CAPS2: variants seen among roughly 807,000 people sequenced by gnomAD.
The protein encoded by CAPS2 is calcyphosin-2.
CAPS2 carries 98 observed loss-of-function variants against 86.5 expected under a neutral mutation model. The ratio of observed to expected loss-of-function variants is 1.13; its 90% CI spans 0.96 to 1.34. The LOEUF is 1.34. Among genes scored for constraint, CAPS2 ranks in the 40% most tolerant of loss-of-function variants. CAPS2 has a pLI of 0.00. For synonymous variants in CAPS2, 210 were observed against 225.1 expected, an observed-to-expected ratio of 0.93 and a Z score of 0.60; for missense variants, 729 against 686.8, an observed-to-expected ratio of 1.06 and a Z score of -0.69.
At chr12:75,309,961 C>A (rs1219622570) in intron 7 of CAPS2, among the ~76,000 whole-genome samples, 2 of 152,120 alleles carry the variant, frequency 1.3e-5, no homozygotes, top group African/African-American at 2.4e-5. Context: ...AAATATGAAA[C>A]CTCAAACAGC....
At chr12:75,350,931 G>A (rs10879902) in intron 1 of CAPS2, among the ~76,000 whole-genome samples, 69,723 of 151,894 alleles carry the variant, frequency 0.46, 16,059 homozygotes, top group East Asian at 0.5. Context: ...AACACATTGC[G>A]AAGAAGCTAA....
intron 15 of CAPS2, among the ~76,000 whole-genome samples, chr12:75,283,228 T>A (rs866359672): frequency 6.6e-6 from 1 of 152,182 alleles, no homozygotes. Context: ...AATATTTCAC[T>A]GGGAAGAGTA....
intron 1 of CAPS2, chr12:75,370,105 A>T: frequency 6.2e-7 from 1 of 1,606,712 alleles, no homozygotes; most frequent in Non-Finnish European, 8.5e-7. Context: ...TCTGAAGCCA[A>T]CGGGGAGAGC....
intron 7 of CAPS2, chr12:75,306,309 C>A: frequency 1.8e-6 from 1 of 568,464 alleles, no homozygotes. Context: ...CAGAGCTCTG[C>A]GGGAGGCTAA....
intron 7 of CAPS2, among the ~76,000 whole-genome samples, chr12:75,310,326 TAAGGC>T (rs564001687): frequency 4.4e-4 from 67 of 152,342 alleles, no homozygotes; most frequent in African/African-American, 1.6e-3. Flanking sequence ...TTATTTATGG[TAAGGC>T]CAAAGTAGGC....
At chr12:75,276,143 C>T, downstream of CAPS2, 1 of 1,481,074 alleles carries the variant, frequency 6.8e-7, no homozygotes, top group Non-Finnish European at 9.0e-7. Flanking sequence ...TGTCTTTGCT[C>T]TTCTCTTGCT....
intron 7 of CAPS2, chr12:75,306,224 G>A: frequency 3.0e-6 from 2 of 669,238 alleles, no homozygotes; most frequent in Non-Finnish European, 5.3e-6. Context: ...GGCCAGCCGC[G>A]AAATTACGAA....
At chr12:75,350,405 C>A (rs2042727703) in intron 1 of CAPS2, among the ~76,000 whole-genome samples, 1 of 152,126 alleles carries the variant, frequency 6.6e-6, no homozygotes, top group African/African-American at 2.4e-5. Context: ...GTGAGATCTC[C>A]CAACAGGGGT....
At chr12:75,338,714 G>A (rs892447926) in intron 1 of CAPS2, among the ~76,000 whole-genome samples, 3 of 152,040 alleles carry the variant, frequency 2.0e-5, no homozygotes, top group Non-Finnish European at 2.9e-5. Context: ...ATTAAGCCCA[G>A]CATCTATTAG....
At chr12:75,388,338 T>C (rs2045397468) in intron 1 of CAPS2, among the ~76,000 whole-genome samples, 1 of 152,192 alleles carries the variant, frequency 6.6e-6, no homozygotes, top group Admixed American at 6.5e-5. Context: ...GGTCTGTCTT[T>C]ATTAGTGGCA....
chr12:75,302,269 C>T (rs1184620572), intron 8 of CAPS2, among the ~76,000 whole-genome samples: 2 of 152,164 alleles, frequency 1.3e-5, no homozygotes, highest in Non-Finnish European at 2.9e-5. Context: ...TAGCTTTAAA[C>T]AAGCTGTAGG....
intron 1 of CAPS2, among the ~76,000 whole-genome samples, chr12:75,344,577 C>T (rs2042326001): frequency 6.6e-6 from 1 of 151,996 alleles, no homozygotes; most frequent in African/African-American, 2.4e-5. Context: ...CCTGCTAGCT[C>T]TAGTATCTAT....
chr12:75,343,880 C>T (rs1288478569), intron 1 of CAPS2: 1 of 1,611,688 alleles, frequency 6.2e-7, no homozygotes, highest in Non-Finnish European at 8.5e-7. Flanking sequence ...TATAATGAAA[C>T]CCAATTTTAT....
intron 5 of CAPS2, among the ~76,000 whole-genome samples, chr12:75,320,407 G>A (rs1300636054): frequency 1.3e-5 from 2 of 152,094 alleles, no homozygotes; most frequent in Non-Finnish European, 2.9e-5. Context: ...TACATGGTGA[G>A]ATGCTAAAAG....
At position 75,326,472 on chromosome 12, in the gene CAPS2, A is replaced by G. The variant is rs751310657; in HGVS notation, c.27T>C (p.Ala9=). 9 of 1,545,788 alleles carry G rather than the reference A, an allele frequency of 5.8e-6. No homozygotes were observed. In the South Asian group the frequency reaches 8.3e-5, roughly 14 times the overall value. Reference sequence around the variant, plus strand: ...GCTGAATTTGGCTCCTAGAAGTGGCAGCAACTCCTTTAACCTCTAAATCCA... The same window carrying G: ...GCTGAATTTGGCTCCTAGAAGTGGCGGCAACTCCTTTAACCTCTAAATCCA... Residue 9 remains alanine (A), a synonymous_variant, in exon 1 of 17, where the codon GCT becomes GCC. Transcript: ENST00000393284.
At chr12:75,298,914 G>C in exon 10 of CAPS2, 1 of 1,610,650 alleles carries the variant, frequency 6.2e-7, no homozygotes, top group South Asian at 1.1e-5. Flanking sequence ...GTAAGGGATT[G>C]GTCATGAGTG....
chr12:75,358,621 T>C (rs975968464), intron 1 of CAPS2, among the ~76,000 whole-genome samples: 1 of 150,396 alleles, frequency 6.6e-6, no homozygotes, highest in Non-Finnish European at 1.5e-5. Flanking sequence ...AAATTGTATG[T>C]AACATACCAG....
upstream of CAPS2, among the ~76,000 whole-genome samples, chr12:75,333,078 G>T (rs1024438377): frequency 2.6e-5 from 4 of 152,160 alleles, no homozygotes; most frequent in Admixed American, 1.3e-4. Context: ...ATTATGTAGT[G>T]TCTTTTGGGC....
rs545415670 is a variant in CAPS2 at position 75,279,929 on chromosome 12, T to C, written c.1613-864A>G. Among the ~76,000 whole-genome samples the C allele has an allele frequency of 4.6e-5, 7 of 152,096 alleles. No homozygotes were observed. In the South Asian group the frequency reaches 6.2e-4, roughly 13 times the overall value. On this transcript the variant is annotated intron_variant, in intron 16 of 16. Transcript: ENST00000393284. ...AGAGGAGTTTTAACACAGTTTTTTT[T>C]CTGAGGAAACATTTTTCACTCAAAT... is the stretch of plus-strand genomic sequence containing the variant.
Sources: gnomAD v4.1 joint callset for allele counts (sites outside exome capture counted in the v4.1 genomes callset) on GRCh38, gnomAD v4.1.1 for gene constraint, MANE v1.5 for transcripts, NCBI Gene and HGNC (gene_info 2026-07-23, HGNC 2026-07-21) for gene names.